The following PIEZO2 variants were observed in gnomAD, a reference collection of about 807,000 sequenced individuals.
PIEZO2 encodes the protein piezo type mechanosensitive ion channel component 2, also known as piezo-type mechanosensitive ion channel component 2.
Under a neutral mutation model 337.3 loss-of-function variants are expected in PIEZO2, and 172 were observed. The observed-to-expected ratio is 0.51, with a 90% confidence interval of 0.45 to 0.58. The LOEUF (loss-of-function observed/expected upper bound fraction) is 0.58, where lower values mean the gene tolerates loss of function less well. Ranked by LOEUF, PIEZO2 falls within the 20% of genes least tolerant of loss-of-function variation. PIEZO2 has a pLI of 0.00. For missense variants in PIEZO2, 3,028 were observed against 3,391.3 expected (o/e 0.89, Z 2.66); for synonymous variants, 1,251 against 1,228.5 (o/e 1.02, Z -0.38).
At chr18:11,014,653 C>A (rs1218377042) in intron 2 of PIEZO2, among the ~76,000 whole-genome samples, 1 of 139,216 alleles carries the variant, frequency 7.2e-6, no homozygotes. Flanking sequence ...CGATCCATGA[C>A]CCCCTCATTC....
chr18:11,005,548 G>T (rs914003950), intron 2 of PIEZO2, among the ~76,000 whole-genome samples: 1 of 152,194 alleles, frequency 6.6e-6, no homozygotes, highest in African/African-American at 2.4e-5. Flanking sequence ...ACACCTGAGA[G>T]GGTGCTCATA....
At chr18:10,996,973 C>A (rs2035346062) in intron 2 of PIEZO2, among the ~76,000 whole-genome samples, 2 of 152,002 alleles carry the variant, frequency 1.3e-5, no homozygotes, top group Non-Finnish European at 2.9e-5. Context: ...GAGAAGAGAG[C>A]AAGAAAAATT....
At position 10,943,101 on chromosome 18, in the gene PIEZO2, G is replaced by T. The variant is rs964519032; in HGVS notation, c.287-31873C>A. On this transcript the variant is annotated intron_variant, in intron 3 of 55. Transcript: ENST00000674853. The surrounding 1 kb of genome is among the most constrained non-coding windows in gnomAD (Gnocchi z 4.5). ...CTGGATAACCAGGCAGAAGTTTGCT[G>T]TAGAGGCAGGGTCCTCATGGAGAAC... 7.2e-5 allele frequency among the ~76,000 whole-genome samples: 11 copies of T among 152,350 alleles called. No homozygotes were observed. The highest frequency in any genetic ancestry group is 6.5e-4 in the Admixed American group (10 of 15,308).
intron 1 of PIEZO2, among the ~76,000 whole-genome samples, chr18:11,124,834 A>T (rs1198546478): frequency 6.6e-6 from 1 of 152,206 alleles, no homozygotes; most frequent in Non-Finnish European, 1.5e-5. Flanking sequence ...GCTGGATCGT[A>T]CATGGTCAGA....
intron 2 of PIEZO2, among the ~76,000 whole-genome samples, chr18:10,983,357 G>A (rs752793248): frequency 2.0e-5 from 3 of 152,106 alleles, no homozygotes; most frequent in Admixed American, 2.0e-4. Context: ...AGGATAAGTA[G>A]TTTCACTTTA....
At chr18:11,062,681 A>G (rs1056187448) in intron 2 of PIEZO2, among the ~76,000 whole-genome samples, 1 of 152,242 alleles carries the variant, frequency 6.6e-6, no homozygotes, top group African/African-American at 2.4e-5. Flanking sequence ...ACTGGCCATC[A>G]GAGAAATGCA....
intron 2 of PIEZO2, among the ~76,000 whole-genome samples, chr18:11,034,636 C>T (rs995781016): frequency 1.3e-5 from 2 of 152,198 alleles, no homozygotes; most frequent in Admixed American, 6.5e-5. Context: ...TCTTATCCTC[C>T]TACCACTACC....
At chr18:10,966,514 C>T (rs1479428490) in intron 3 of PIEZO2, among the ~76,000 whole-genome samples, 1 of 152,178 alleles carries the variant, frequency 6.6e-6, no homozygotes, top group East Asian at 1.9e-4. Flanking sequence ...ATTTCTATTG[C>T]CCATAAGAGA....
At chr18:10,917,975 C>T (rs1310668317) in intron 3 of PIEZO2, among the ~76,000 whole-genome samples, 1 of 152,148 alleles carries the variant, frequency 6.6e-6, no homozygotes, top group Non-Finnish European at 1.5e-5. Context: ...GAACACTGAA[C>T]ATAATGTGAA....
At chr18:11,108,864 CA>C (rs1304054087) in intron 1 of PIEZO2, among the ~76,000 whole-genome samples, 3 of 152,046 alleles carry the variant, frequency 2.0e-5, no homozygotes, top group African/African-American at 7.2e-5. Context: ...TCCAGCACAT[CA>C]GTAAAAAAAT....
At chr18:10,684,560 G>A (rs1018798154) in intron 49 of PIEZO2, among the ~76,000 whole-genome samples, 2 of 151,306 alleles carry the variant, frequency 1.3e-5, no homozygotes, top group Admixed American at 1.3e-4. Context: ...CACCACCTGG[G>A]CTCGAGAGAT....
At chr18:10,742,070 G>A (rs2037244953) in intron 32 of PIEZO2, among the ~76,000 whole-genome samples, 1 of 152,140 alleles carries the variant, frequency 6.6e-6, no homozygotes, top group Non-Finnish European at 1.5e-5. Context: ...CAGGAGAATG[G>A]CGTGAACCCG....
At chr18:10,797,660 G>GATTC in intron 11 of PIEZO2, 138 bp from the exon 12 acceptor site, 4 of 1,368,030 alleles carry the variant, frequency 2.9e-6, no homozygotes, top group Non-Finnish European at 3.9e-6. Context: ...CATTCATAAA[G>GATTC]CCCTTAAAAT....
rs2038312097 is a variant in PIEZO2, at chr18:11,070,712, G to C, written c.65-4490C>G. On this transcript the variant is annotated intron_variant, in intron 1 of 55. Coordinates refer to ENST00000674853, the MANE Select transcript of PIEZO2 (RefSeq NM_001378183.1). This position sits in a 1 kb window ranked among gnomAD's most constrained non-coding sequence, Gnocchi z 4.3. ...GAAGGAAGGAAGGAAGTCAACCTAT[G>C]GAAGTGCAGTGAACGTGCTGCCACA... Among the ~76,000 whole-genome samples the C allele has an allele frequency of 1.3e-5, 2 of 152,306 alleles. No individual in the cohort carries two copies. Among genetic ancestry groups the C allele is most frequent in the Admixed American group, 1.3e-4 (2 of 15,302 alleles).
Position 11,017,976 on chromosome 18 carries a change from A to G in PIEZO2, c.161-38316T>C, listed in dbSNP as rs144735292. On this transcript the variant is annotated intron_variant, in intron 2 of 55. Transcript: ENST00000674853. ...GACCCTGTCTCTATTAAGTAATAAT[A>G]ATAATAATAACCAAACAAATAAAAA... Among the ~76,000 whole-genome samples, 515 of 152,280 alleles carry G rather than the reference A, an allele frequency of 3.4e-3. 4 individuals carry two copies. The highest frequency in any genetic ancestry group is 0.011 in the African/African-American group (475 of 41,570).
In PIEZO2 at chr18:10,802,073, G is replaced by A. The variant is rs369438222; in HGVS notation, c.1201-645C>T. Among the ~76,000 whole-genome samples, 8 of 123,486 alleles carry A rather than the reference G, an allele frequency of 6.5e-5. No individual in the cohort carries two copies. In the South Asian group the frequency reaches 1.0e-3, roughly 16 times the overall value. 81.0% of individuals were successfully genotyped at this position (123,486 alleles called of 152,430 possible). A position where few individuals can be genotyped will look rare whatever the true frequency, so the allele number is the denominator to read the frequency against. ...TGCACTCCAGCCTGGGCGACAGAGC[G>A]AGACTCCGTCTCAAAAAAAAAAAAA... On this transcript the variant is annotated intron_variant, in intron 9 of 55. Coordinates refer to ENST00000674853, the MANE Select transcript of PIEZO2 (RefSeq NM_001378183.1).
intron 9 of PIEZO2, among the ~76,000 whole-genome samples, chr18:10,803,347 T>G (rs2039890476): frequency 6.6e-6 from 1 of 152,340 alleles, no homozygotes; most frequent in Non-Finnish European, 1.5e-5. Flanking sequence ...TTTTAAGCCC[T>G]CAGTAGATAT....
At chr18:11,141,495 G>A (rs1034177713) in intron 1 of PIEZO2, among the ~76,000 whole-genome samples, 1 of 152,172 alleles carries the variant, frequency 6.6e-6, no homozygotes, top group East Asian at 1.9e-4. Flanking sequence ...ATGCTGCGGG[G>A]CGCACAGAAT....
intron 7 of PIEZO2, among the ~76,000 whole-genome samples, chr18:10,817,919 T>C (rs1268489459): frequency 8.1e-6 from 1 of 123,684 alleles, no homozygotes; most frequent in East Asian, 2.3e-4. Flanking sequence ...CAAGACTCTG[T>C]CAAAAAAAAA....
Sources: allele counts gnomAD v4.1 joint callset (sites outside exome capture counted in the v4.1 genomes callset), GRCh38; gene constraint gnomAD v4.1.1; non-coding constraint Gnocchi (gnomAD v3.1); transcripts MANE v1.5; gene names NCBI Gene and HGNC (gene_info 2026-07-23, HGNC 2026-07-21).